Variants in ABTB2 observed in about 807,000 individuals in gnomAD.
ABTB2 encodes ankyrin repeat and BTB domain containing 2, also known as ankyrin repeat and BTB/POZ domain-containing protein 2.
In ABTB2, 56 loss-of-function variants were observed where a neutral mutation model predicts 104.1. The observed-to-expected ratio is 0.54, with a 90% CI of 0.43 to 0.67. The LOEUF (loss-of-function observed/expected upper bound fraction) is 0.67, where lower values mean the gene tolerates loss of function less well. Among genes scored for constraint, ABTB2 ranks in the 30% least tolerant of loss-of-function variants. The pLI is 0.00. For synonymous variants in ABTB2, 606 were observed against 608.2 expected (o/e 1.00, Z 0.05); for missense variants, 1,279 against 1,407.7 (o/e 0.91, Z 1.46).
rs927249945 is a variant in ABTB2, at chr11:34,314,459, G to T, written c.883+42242C>A. 3.3e-5 allele frequency among the ~76,000 whole-genome samples: 5 copies of T among 152,226 alleles called. No individual in the cohort carries two copies. The East Asian group carries it at 7.7e-4, about 23-fold the overall frequency. ...CAATAGTATTTGTTGCATGAAGAAA[G>T]GAATGACTAGAAAAGTCAAATAGAT... On this transcript the variant is annotated intron_variant, in intron 1 of 16. Coordinates refer to ENST00000435224, the MANE Select transcript of ABTB2 (RefSeq NM_145804.3).
intron 1 of ABTB2, among the ~76,000 whole-genome samples, chr11:34,229,530 G>A (rs1853742263): frequency 6.6e-6 from 1 of 151,348 alleles, no homozygotes; most frequent in African/African-American, 2.4e-5. Context: ...CTACCAAATC[G>A]GCAGTGACTT....
chr11:34,158,364 GATC>G (rs1468819396), intron 14 of ABTB2, among the ~76,000 whole-genome samples: 5 of 152,156 alleles, frequency 3.3e-5, no homozygotes, highest in Non-Finnish European at 7.3e-5. Flanking sequence ...AGTGAGCCGA[GATC>G]ATGCCACTGC....
At chr11:34,219,191 A>G (rs533470266) in intron 1 of ABTB2, among the ~76,000 whole-genome samples, 1 of 152,330 alleles carries the variant, frequency 6.6e-6, no homozygotes, top group African/African-American at 2.4e-5. Context: ...CATGTGCTGC[A>G]TGACATTTTG....
intron 1 of ABTB2, among the ~76,000 whole-genome samples, chr11:34,345,152 A>G (rs1019285563): frequency 2.6e-5 from 4 of 152,192 alleles, no homozygotes. Context: ...CTAAAAGCCA[A>G]TGAATTATTA....
intron 1 of ABTB2, among the ~76,000 whole-genome samples, chr11:34,268,590 C>T (rs1590235357): frequency 6.6e-6 from 1 of 152,200 alleles, no homozygotes; most frequent in African/African-American, 2.4e-5. Context: ...AATGCTGCAC[C>T]GGCAGGGTGG....
At chr11:34,317,161 A>G (rs76219478) in intron 1 of ABTB2, among the ~76,000 whole-genome samples, 1 of 152,200 alleles carries the variant, frequency 6.6e-6, no homozygotes, top group Admixed American at 6.5e-5. Context: ...TAACAAAGAC[A>G]TGACCTCTCT....
At position 34,303,477 on chromosome 11, in the gene ABTB2, A is replaced by G. The variant is rs913897093; in HGVS notation, c.883+53224T>C. 3.3e-5 allele frequency among the ~76,000 whole-genome samples: 5 copies of G among 152,220 alleles called. No homozygotes were observed. In the East Asian group the frequency reaches 9.6e-4, roughly 29 times the overall value. On this transcript the variant is annotated intron_variant, in intron 1 of 16. Transcript: ENST00000435224. ...TCACGTAGAGGTTTCCACCCACAGGAGGAAGAAATCCAATTTTTCTTTCTT... is the reference window on the plus strand; with the variant it reads ...TCACGTAGAGGTTTCCACCCACAGGGGGAAGAAATCCAATTTTTCTTTCTT...
intron 3 of ABTB2, among the ~76,000 whole-genome samples, chr11:34,184,581 C>T (rs1853071105): frequency 6.6e-6 from 1 of 152,218 alleles, no homozygotes. Context: ...CCTCGCTTTC[C>T]CACACGGCAG....
chr11:34,152,242 C>T lies in ABTB2; in HGVS notation c.*145G>A. ...CTAGGGCAGAGGAGATGAGGGTGAG[C>T]TGCCCGGTGACAGGGGGGACATCTG... On this transcript the variant is annotated 3_prime_UTR_variant, in exon 17 of 17. Coordinates refer to ENST00000435224, the MANE Select transcript of ABTB2 (RefSeq NM_145804.3). 1 of 876,972 alleles carries T rather than the reference C, an allele frequency of 1.1e-6. No homozygotes were observed. Among genetic ancestry groups the T allele is most frequent in the Non-Finnish European group, 1.7e-6 (1 of 582,102 alleles). 54.3% of individuals were successfully genotyped at this position (876,972 alleles called of 1,614,324 possible). A position where few individuals can be genotyped will look rare whatever the true frequency, so the allele number is the denominator to read the frequency against.
Position 34,356,784 on chromosome 11 carries a change from A to T in ABTB2, c.800T>A (p.Leu267Gln). ...AGGGEVSAEALEMVINNDAEL... is the reference protein window; with the variant it reads ...AGGGEVSAEAQEMVINNDAEL... ...GGCGTCGTTGTTGATGACCATCTCC[A>T]GGGCCTCAGCAGACACCTCCCCGCC... Residue 267 changes from leucine (L) to glutamine (Q), a missense_variant, in exon 1 of 17, where the codon CTG becomes CAG. Physicochemically the swap from Leu to Gln is moderately radical, Grantham distance 113. Coordinates refer to ENST00000435224, the MANE Select transcript of ABTB2 (RefSeq NM_145804.3). The surrounding 1 kb of genome is among the most constrained non-coding windows in gnomAD (Gnocchi z 4.6). 1.9e-6 allele frequency: 3 copies of T among 1,610,926 alleles called. No individual in the cohort carries two copies. The highest frequency in any genetic ancestry group is 1.1e-5 in the South Asian group (1 of 90,328).
chr11:34,293,692 TG>T (rs1312784419), intron 1 of ABTB2, among the ~76,000 whole-genome samples: 1 of 152,038 alleles, frequency 6.6e-6, no homozygotes, highest in African/African-American at 2.4e-5. Flanking sequence ...TGAGAGAGAC[TG>T]GGGTAAGGGT....
At chr11:34,167,221 A>G (rs1368281727) in intron 7 of ABTB2, 38 bp downstream of exon 7, 1 of 1,551,730 alleles carries the variant, frequency 6.4e-7, no homozygotes, top group Non-Finnish European at 8.8e-7. Context: ...GTCACCTGGT[A>G]AGCTGGGGGG....
At chr11:34,284,105 C>T (rs1361077138) in intron 1 of ABTB2, among the ~76,000 whole-genome samples, 1 of 152,172 alleles carries the variant, frequency 6.6e-6, no homozygotes, top group Non-Finnish European at 1.5e-5. Flanking sequence ...TCTAACGAGC[C>T]CCCAGGTAAT....
chr11:34,195,972 A>G (rs1358839774), intron 3 of ABTB2, among the ~76,000 whole-genome samples: 1 of 152,134 alleles, frequency 6.6e-6, no homozygotes, highest in Non-Finnish European at 1.5e-5. Flanking sequence ...GTCTCCCTCC[A>G]GGTGGGGCAC....
At chr11:34,214,139 A>AC (rs1853519948) in intron 1 of ABTB2, among the ~76,000 whole-genome samples, 2 of 139,172 alleles carry the variant, frequency 1.4e-5, no homozygotes, top group Admixed American at 1.4e-4. Flanking sequence ...GCACATTCAA[A>AC]ACACACACAC....
At chr11:34,285,070 G>A (rs1214249133) in intron 1 of ABTB2, among the ~76,000 whole-genome samples, 2 of 152,218 alleles carry the variant, frequency 1.3e-5, no homozygotes, top group African/African-American at 4.8e-5. Context: ...GCCTTCCTGG[G>A]GTCGCTGTGG....
At chr11:34,295,101 T>C (rs1854605804) in intron 1 of ABTB2, among the ~76,000 whole-genome samples, 1 of 152,192 alleles carries the variant, frequency 6.6e-6, no homozygotes, top group South Asian at 2.1e-4. Flanking sequence ...GGAGAATCAC[T>C]TGAGCCCAGG....
chr11:34,316,219 T>G (rs1854928154), intron 1 of ABTB2, among the ~76,000 whole-genome samples: 1 of 152,182 alleles, frequency 6.6e-6, no homozygotes, highest in Non-Finnish European at 1.5e-5. Context: ...GAGGCTGTGT[T>G]TTGTGGTCAG....
intron 1 of ABTB2, among the ~76,000 whole-genome samples, chr11:34,286,495 G>A (rs1854507967): frequency 6.6e-6 from 1 of 151,838 alleles, no homozygotes; most frequent in Admixed American, 6.6e-5. Context: ...GTTTCACCAT[G>A]TTGTCCAGGC....
Sources: gnomAD v4.1 joint callset for allele counts (sites outside exome capture counted in the v4.1 genomes callset) on GRCh38, gnomAD v4.1.1 for gene constraint, Gnocchi (gnomAD v3.1) non-coding constraint, MANE v1.5 for transcripts, NCBI Gene and HGNC (gene_info 2026-07-23, HGNC 2026-07-21) for gene names.